The following YAP1 variants were observed in gnomAD, a reference collection of about 807,000 sequenced individuals.
YAP1 encodes transcriptional coactivator YAP1.
Under a neutral mutation model 56.9 loss-of-function variants are expected in YAP1, and 5 were observed. That is an observed-to-expected ratio of 0.09 (90% CI 0.05 to 0.18). The LOEUF (loss-of-function observed/expected upper bound fraction) is 0.18, where lower values mean the gene tolerates loss of function less well. Ranked by LOEUF, YAP1 falls within the 10% of genes least tolerant of loss-of-function variation. The pLI, the probability that YAP1 is intolerant of heterozygous loss-of-function variation, is 1.00. For synonymous variants in YAP1, 265 were observed against 248.1 expected (o/e 1.07, Z -0.64); for missense variants, 539 against 651.8 (o/e 0.83, Z 1.88).
At chr11:102,204,058 A>T (rs936776072) in intron 4 of YAP1, among the ~76,000 whole-genome samples, 10 of 151,998 alleles carry the variant, frequency 6.6e-5, no homozygotes, top group Non-Finnish European at 1.0e-4. Context: ...TCCTCTCTTT[A>T]ATATCCTTGG....
chr11:102,162,656 TA>T, intron 3 of YAP1, 85 bp downstream of exon 3: 1 of 1,294,628 alleles, frequency 7.7e-7, no homozygotes, highest in East Asian at 2.3e-5. Flanking sequence ...ATTACTCGTT[TA>T]CAGAAACTGG....
At chr11:102,125,364 T>C (rs2135191888) in intron 2 of YAP1, among the ~76,000 whole-genome samples, 2 of 138,274 alleles carry the variant, frequency 1.4e-5, no homozygotes, top group South Asian at 5.2e-4. Context: ...ATTCTTTTTT[T>C]TTTCTTTTCT....
chr11:102,172,300 ATTTTTTTTTTTTTTT>A (rs752185861), intron 3 of YAP1, among the ~76,000 whole-genome samples: 5 of 110,820 alleles, frequency 4.5e-5, no homozygotes, highest in Admixed American at 9.0e-5. Context: ...ACAGTGAAGA[ATTTTTTTTTTTTTTT>A]TTTTTTTTTT....
At chr11:102,132,446 T>C (rs1944419695) in intron 2 of YAP1, among the ~76,000 whole-genome samples, 1 of 152,254 alleles carries the variant, frequency 6.6e-6, no homozygotes, top group Admixed American at 6.5e-5. Flanking sequence ...AAACAGTTCT[T>C]CTGATATCAA....
chr11:102,177,938 G>A (rs1307982605), intron 3 of YAP1, among the ~76,000 whole-genome samples: 1 of 152,114 alleles, frequency 6.6e-6, no homozygotes, highest in Non-Finnish European at 1.5e-5. Flanking sequence ...CATAATTGTG[G>A]TGTAGTATTC....
intron 4 of YAP1, among the ~76,000 whole-genome samples, chr11:102,200,688 G>A (rs1320404943): frequency 1.3e-5 from 2 of 152,022 alleles, no homozygotes; most frequent in East Asian, 1.9e-4. Context: ...CTAGTGATCC[G>A]TCTGCCTTGG....
chr11:102,131,412 G>A (rs922101419), intron 2 of YAP1, among the ~76,000 whole-genome samples: 5 of 152,184 alleles, frequency 3.3e-5, no homozygotes, highest in Non-Finnish European at 5.9e-5. Flanking sequence ...GACTGGATAG[G>A]TCTCAAAACT....
intron 3 of YAP1, among the ~76,000 whole-genome samples, chr11:102,163,162 T>C (rs1444537329): frequency 1.3e-5 from 2 of 152,182 alleles, no homozygotes; most frequent in East Asian, 3.8e-4. Flanking sequence ...AAGATAAACC[T>C]GAGTATAAAT....
intron 4 of YAP1, among the ~76,000 whole-genome samples, chr11:102,195,699 C>A (rs1948539364): frequency 6.6e-6 from 1 of 152,224 alleles, no homozygotes; most frequent in Admixed American, 6.5e-5. Context: ...TACATGTTTG[C>A]TTCCCCTTTT....
intron 3 of YAP1, among the ~76,000 whole-genome samples, chr11:102,166,666 A>G (rs1565222152): frequency 6.6e-6 from 1 of 152,248 alleles, no homozygotes; most frequent in Non-Finnish European, 1.5e-5. Flanking sequence ...AAGCCTTCAC[A>G]TAAAAGAGAA....
At chr11:102,228,178 C>G (rs1312332888) in intron 8 of YAP1, among the ~76,000 whole-genome samples, 2 of 152,142 alleles carry the variant, frequency 1.3e-5, no homozygotes, top group African/African-American at 2.4e-5. Flanking sequence ...TAGAACATCT[C>G]TCTCCTTATA....
chr11:102,190,704 C>T (rs964534510), intron 4 of YAP1, among the ~76,000 whole-genome samples: 3 of 151,732 alleles, frequency 2.0e-5, no homozygotes, highest in African/African-American at 4.8e-5. Context: ...TTGGGAGGCC[C>T]TGGTGGGCAG....
chr11:102,125,176 C>T (rs1040688208), intron 2 of YAP1, among the ~76,000 whole-genome samples: 2 of 151,124 alleles, frequency 1.3e-5, no homozygotes, highest in Non-Finnish European at 3.0e-5. Context: ...TAGCTGGGAC[C>T]GGCTAATTTT....
At chr11:102,209,250 C>T (rs569175682) in intron 5 of YAP1, among the ~76,000 whole-genome samples, 1 of 152,122 alleles carries the variant, frequency 6.6e-6, no homozygotes, top group South Asian at 2.1e-4. Context: ...AAACAAAGAA[C>T]CTACGTGACC....
intron 6 of YAP1, among the ~76,000 whole-genome samples, chr11:102,212,661 C>T (rs916522839): frequency 7.9e-5 from 12 of 151,966 alleles, no homozygotes; most frequent in Admixed American, 5.9e-4. Flanking sequence ...CTCTGCTCAC[C>T]GCAACCTCTG....
intron 2 of YAP1, among the ~76,000 whole-genome samples, chr11:102,121,205 A>C (rs927789482): frequency 1.3e-5 from 2 of 152,174 alleles, no homozygotes; most frequent in African/African-American, 4.8e-5. Context: ...TGAGAGGCTG[A>C]GGTGGGCATA....
At chr11:102,213,267 C>T (rs1375368438) in intron 6 of YAP1, among the ~76,000 whole-genome samples, 1 of 152,168 alleles carries the variant, frequency 6.6e-6, no homozygotes, top group East Asian at 1.9e-4. Flanking sequence ...GGTGGATCAC[C>T]TGAAGTCAGG....
At chr11:102,216,069 G>C (rs866778783) in intron 6 of YAP1, among the ~76,000 whole-genome samples, 3 of 152,118 alleles carry the variant, frequency 2.0e-5, no homozygotes, top group African/African-American at 7.2e-5. Flanking sequence ...TGGAAATTTC[G>C]GAAAGTATCC....
Position 102,223,668 on chromosome 11 carries a change from G to T in YAP1, c.1079G>T (p.Gly360Val). Reference sequence around the variant, plus strand: ...TTACCAACACTGGAGCAGGATGGTGGGACTCAAAATCCAGTGTCTTCTCCC... The same window carrying T: ...TTACCAACACTGGAGCAGGATGGTGTGACTCAAAATCCAGTGTCTTCTCCC... Reference protein sequence around the residue: ...SQLPTLEQDGGTQNPVSSPGM... With the variant: ...SQLPTLEQDGVTQNPVSSPGM... Residue 360 changes from glycine to valine, a missense_variant, in exon 7 of 9, where the codon GGG becomes GTG. This residue lies in a region of YAP1 where 414 missense variants were observed against 512.4 expected (regional missense o/e 0.81). Transcript: ENST00000282441. 1 of 1,614,048 alleles carries T rather than the reference G, an allele frequency of 6.2e-7. No homozygotes were observed. Among genetic ancestry groups the T allele is most frequent in the Non-Finnish European group, 8.5e-7 (1 of 1,179,986 alleles).
Sources: allele counts gnomAD v4.1 joint callset (sites outside exome capture counted in the v4.1 genomes callset), GRCh38; gene constraint gnomAD v4.1.1; regional missense constraint gnomAD v4.1.1; transcripts MANE v1.5; gene names NCBI Gene and HGNC (gene_info 2026-07-23, HGNC 2026-07-21).